Variants in FOXJ2 observed in about 807,000 individuals in gnomAD.
The protein encoded by FOXJ2 is forkhead box J2.
In FOXJ2, 18 loss-of-function variants were observed where a neutral mutation model predicts 68.4. The observed-to-expected ratio is 0.26, with a 90% CI of 0.18 to 0.39. The LOEUF (loss-of-function observed/expected upper bound fraction) is 0.39, where lower values mean the gene tolerates loss of function less well. Among genes scored for constraint, FOXJ2 ranks in the 10% least tolerant of loss-of-function variants. The pLI is 1.00. For synonymous variants in FOXJ2, 274 were observed against 263.2 expected, an observed-to-expected ratio of 1.04 and a Z score of -0.40; for missense variants, 670 against 726.5, an observed-to-expected ratio of 0.92 and a Z score of 0.89.
intron 8 of FOXJ2, 30 bp downstream of exon 8, chr12:8,048,828 G>A: frequency 6.3e-7 from 1 of 1,586,996 alleles, no homozygotes; most frequent in Middle Eastern, 1.7e-4. Context: ...AGGAAGAGAG[G>A]GATACACTGT....
At chr12:8,046,010 T>G (rs148372707) in intron 6 of FOXJ2, among the ~76,000 whole-genome samples, 55 of 152,328 alleles carry the variant, frequency 3.6e-4, no homozygotes, top group African/African-American at 1.3e-3. Flanking sequence ...AGAGGAAATA[T>G]TTCATGAACT....
At position 8,049,559 on chromosome 12, in the gene FOXJ2, G is replaced by C. The variant is rs1483993093; in HGVS notation, c.1525G>C (p.Ala509Pro). 6.2e-7 allele frequency: 1 copy of C among 1,603,510 alleles called. No homozygotes were observed. Among genetic ancestry groups the C allele is most frequent in the Non-Finnish European group, 8.5e-7 (1 of 1,172,232 alleles). ...CCTCACCAGTGGCAAACAGGAGTCA[G>C]CCATGAGCCAAGGTACTGCACCAAG... ...CALTSGKQES[A>P]MSQVNSYGHP... is the part of the protein sequence containing the mutation. Residue 509 changes from alanine to proline, a missense_variant, in exon 9 of 11, where the codon GCC (alanine) becomes CCC (proline). Physicochemically the swap from Ala to Pro is conservative, Grantham distance 27. Around this residue, in one of 2 missense-constraint regions of FOXJ2, gnomAD observed 555 missense variants for 562.2 expected, o/e 0.99. Transcript: ENST00000162391.
chr12:8,049,658 G>T, intron 9 of FOXJ2, 87 bp downstream of exon 9: 1 of 1,289,488 alleles, frequency 7.8e-7, no homozygotes, highest in Non-Finnish European at 1.0e-6. Flanking sequence ...TGAGAGAAAG[G>T]ATTTTATGGG....
At position 8,047,915 on chromosome 12, in the gene FOXJ2, C is replaced by T. The variant is rs777076278; in HGVS notation, c.851C>T (p.Ser284Leu). The T allele has an allele frequency of 3.9e-5, 62 of 1,605,742 alleles. No homozygotes were observed. Among genetic ancestry groups the T allele is most frequent in the Middle Eastern group, 3.3e-4 (2 of 6,028 alleles). Residue 284 changes from serine (S) to leucine (L), a missense_variant, in exon 7 of 11, where the codon TCG (serine) becomes TTG (leucine). This residue lies in a region of FOXJ2 where 555 missense variants were observed against 562.2 expected (regional missense o/e 0.99). Coordinates refer to ENST00000162391, the MANE Select transcript of FOXJ2 (RefSeq NM_018416.3). ...FSSLLGDIPP[S>L]NNYYMYQQQQ... ...TCTCTCCTGGGGGACATCCCACCCT[C>T]GAACAACTACTACATGTATCAGCAG...
intron 9 of FOXJ2, 21 bp from the exon 10 acceptor site, chr12:8,050,501 A>T: frequency 1.2e-6 from 2 of 1,603,706 alleles, no homozygotes; most frequent in South Asian, 2.2e-5. Flanking sequence ...AACTCAAGTA[A>T]CTCTTGTCTT....
chr12:8,052,315 T>C (rs1047224678), intron 10 of FOXJ2, among the ~76,000 whole-genome samples: 7 of 151,032 alleles, frequency 4.6e-5, no homozygotes, highest in African/African-American at 1.7e-4. Flanking sequence ...ACCTCCCGGG[T>C]TCATGCCATT....
intron 6 of FOXJ2, among the ~76,000 whole-genome samples, chr12:8,045,727 G>A (rs1034040912): frequency 2.6e-5 from 4 of 151,826 alleles, no homozygotes; most frequent in Admixed American, 2.0e-4. Context: ...TCGCGATCTC[G>A]GCTCACTGCA....
intron 7 of FOXJ2, 30 bp from the exon 8 acceptor site, chr12:8,048,667 T>G: frequency 1.3e-6 from 2 of 1,585,738 alleles, no homozygotes; most frequent in South Asian, 2.2e-5. Flanking sequence ...TCACTCTATC[T>G]TATTATCCAC....
chr12:8,033,148 G>T lies in FOXJ2; in HGVS notation c.-700G>T. On this transcript the variant is annotated 5_prime_UTR_variant, in exon 1 of 11. Coordinates refer to ENST00000162391, the MANE Select transcript of FOXJ2 (RefSeq NM_018416.3). ...AGACCCCTGTACTGGCCGGGGAGGA[G>T]ACCCCCAGAAGTGGAAAGAAGGGAG... The T allele has an allele frequency of 2.9e-6, 1 of 342,912 alleles. No homozygotes were observed. The highest frequency in any genetic ancestry group is 5.2e-6 in the Non-Finnish European group (1 of 190,976). The allele number at this position is 342,912 out of a possible 1,614,324, so 21.2% of individuals were successfully genotyped here.
At chr12:8,049,893 G>A (rs1422112244) in intron 9 of FOXJ2, 3 of 398,392 alleles carry the variant, frequency 7.5e-6, no homozygotes, top group East Asian at 3.8e-5. Flanking sequence ...GGGTGATACC[G>A]GATGAAATGG....
chr12:8,043,783 T>A lies in FOXJ2; in HGVS notation c.477+14T>A. The A allele has an allele frequency of 6.2e-7, 1 of 1,614,154 alleles. No homozygotes were observed. The highest frequency in any genetic ancestry group is 2.2e-5 in the East Asian group (1 of 44,886). ...CCAGATGATGATGTAAGTTCCCAGC[T>A]CATGAGGAGATGCCATATCTGAGCC... On this transcript the variant is annotated intron_variant, in intron 4 of 10. Transcript: ENST00000162391.
chr12:8,048,682 C>G lies in FOXJ2; in HGVS notation c.1226-15C>G. 1.2e-6 allele frequency: 2 copies of G among 1,607,276 alleles called. No homozygotes were observed. The highest frequency in any genetic ancestry group is 1.7e-6 in the Non-Finnish European group (2 of 1,173,972). On this transcript the variant is annotated splice_polypyrimidine_tract_variant and intron_variant, in intron 7 of 10. Transcript: ENST00000162391. ...TCACTCTATCTTATTATCCACTTTC[C>G]CCTCCTCTTTACAGCCTTTCCTTCT...
intron 1 of FOXJ2, among the ~76,000 whole-genome samples, chr12:8,034,444 A>G (rs1261540240): frequency 1.3e-5 from 2 of 152,204 alleles, no homozygotes; most frequent in African/African-American, 4.8e-5. Context: ...GCCTCTGCCC[A>G]TAAAATCCAA....
At chr12:8,041,552 C>T (rs773261896) in intron 2 of FOXJ2, among the ~76,000 whole-genome samples, 1 of 151,350 alleles carries the variant, frequency 6.6e-6, no homozygotes, top group African/African-American at 2.4e-5. Context: ...CTTGCTCTGT[C>T]ACCCAGGCTG....
At chr12:8,050,650 G>A (rs759485774) in intron 10 of FOXJ2, 30 bp downstream of exon 10, 6 of 1,611,590 alleles carry the variant, frequency 3.7e-6, no homozygotes, top group Middle Eastern at 1.6e-4. Flanking sequence ...TTTCAAAACC[G>A]TTGTACTCTG....
At chr12:8,044,499 G>A (rs1947007643) in intron 5 of FOXJ2, among the ~76,000 whole-genome samples, 1 of 152,110 alleles carries the variant, frequency 6.6e-6, no homozygotes, top group Admixed American at 6.5e-5. Context: ...CTTGAACCGG[G>A]GAGGTGGAGC....
In FOXJ2 at chr12:8,035,531, TACCTTTTA is replaced by T. The variant is rs891457728; in HGVS notation, c.-15+1699_-15+1706del. ...CTCCTAACTCCAGAACTCCTTCCCC[TACCTTTTA>T]CAAAAGAGGCCTCGCTGGTTAACAG... On this transcript the variant is annotated intron_variant, in intron 1 of 10. Transcript: ENST00000162391. The surrounding 1 kb of genome is among the most constrained non-coding windows in gnomAD (Gnocchi z 4.0). 1.3e-5 allele frequency among the ~76,000 whole-genome samples: 2 copies of T among 152,234 alleles called. No homozygotes were observed. The highest frequency in any genetic ancestry group is 1.3e-4 in the Admixed American group (2 of 15,282).
At chr12:8,037,816 G>C (rs1291895933) in intron 1 of FOXJ2, among the ~76,000 whole-genome samples, 1 of 152,176 alleles carries the variant, frequency 6.6e-6, no homozygotes, top group African/African-American at 2.4e-5. Context: ...AAGTATACAA[G>C]TATATATGTG....
At position 8,055,487 on chromosome 12, in the gene FOXJ2, TA is replaced by T. The variant is rs113361713; in HGVS notation, c.*2650del. 0.015 allele frequency: 2,100 copies of T among 138,268 alleles called. 27 individuals carry two copies. Among genetic ancestry groups the T allele is most frequent in the African/African-American group, 0.037 (1,403 of 37,778 alleles). 8.6% of individuals were successfully genotyped at this position (138,268 alleles called of 1,614,324 possible). A position where few individuals can be genotyped will look rare whatever the true frequency, so the allele number is the denominator to read the frequency against. On this transcript the variant is annotated 3_prime_UTR_variant, in exon 11 of 11. Transcript: ENST00000162391. Reference sequence around the variant, plus strand: ...ATTGTTTTTTTGCATGCTTTCTTAATAAAAAAAAAAAAAGAATGTTTACAGT... The same window carrying T: ...ATTGTTTTTTTGCATGCTTTCTTAATAAAAAAAAAAAAGAATGTTTACAGT...
Sources: gnomAD v4.1 joint callset for allele counts (sites outside exome capture counted in the v4.1 genomes callset) on GRCh38, gnomAD v4.1.1 for gene constraint, gnomAD v4.1.1 regional missense constraint, Gnocchi (gnomAD v3.1) non-coding constraint, MANE v1.5 for transcripts, NCBI Gene and HGNC (gene_info 2026-07-23, HGNC 2026-07-21) for gene names.